The following CRIM1 variants were observed in gnomAD, a reference collection of about 807,000 sequenced individuals.
CRIM1 encodes the protein cysteine rich transmembrane BMP regulator 1.
A neutral mutation model predicts 116.4 loss-of-function variants in CRIM1; 32 were observed. The ratio of observed to expected loss-of-function variants is 0.27; its 90% CI spans 0.21 to 0.37. The LOEUF (loss-of-function observed/expected upper bound fraction) is 0.37. Among genes scored for constraint, CRIM1 ranks in the 10% least tolerant of loss-of-function variants. The pLI is 1.00. For synonymous variants in CRIM1, 590 were observed against 509.2 expected (o/e 1.16, Z -2.13); for missense variants, 1,331 against 1,354.8 (o/e 0.98, Z 0.28).
At chr2:36,414,802 G>A (rs1181613111) in intron 2 of CRIM1, among the ~76,000 whole-genome samples, 2 of 152,174 alleles carry the variant, frequency 1.3e-5, no homozygotes, top group African/African-American at 4.8e-5. Flanking sequence ...TGGGGAGAGT[G>A]GCAGAAGAGG....
At chr2:36,522,366 G>C in intron 13 of CRIM1, 53 bp downstream of exon 13, 1 of 1,342,850 alleles carries the variant, frequency 7.4e-7, no homozygotes, top group African/African-American at 1.4e-5. Flanking sequence ...CACTAAATCT[G>C]TATTGACAGC....
intron 8 of CRIM1, among the ~76,000 whole-genome samples, chr2:36,501,715 C>G (rs1186745944): frequency 6.6e-6 from 1 of 151,348 alleles, no homozygotes; most frequent in Admixed American, 6.6e-5. Context: ...GAGCAAGACC[C>G]TTTTTCAAAA....
At chr2:36,498,121 G>A (rs142058267) in intron 7 of CRIM1, among the ~76,000 whole-genome samples, 6 of 152,170 alleles carry the variant, frequency 3.9e-5, no homozygotes, top group African/African-American at 9.7e-5. Context: ...CTTTGAAGAC[G>A]TTAGTATATT....
chr2:36,497,797 T>C (rs1157173873), intron 7 of CRIM1, among the ~76,000 whole-genome samples: 1 of 152,232 alleles, frequency 6.6e-6, no homozygotes, highest in African/African-American at 2.4e-5. Flanking sequence ...GTTGAATCAC[T>C]GTCCCCTTTT....
rs1047320441 is a variant in CRIM1, at chr2:36,442,623, G to T, written c.757G>T (p.Val253Leu). 6.2e-7 allele frequency: 1 copy of T among 1,614,072 alleles called. No individual in the cohort carries two copies. Residue 253 changes from valine to leucine, a missense_variant, in exon 4 of 17, where the codon GTG (valine) becomes TTG (leucine). Transcript: ENST00000280527. ...CTGTTTGCCCCTTTCAGTTTTCGGC[G>T]TGGACTGCAGGACTGTGGAATGCCC... ...DLYECKPVFGVDCRTVECPPV... is the reference protein window; with the variant it reads ...DLYECKPVFGLDCRTVECPPV...
At chr2:36,418,608 A>C (rs922403404) in intron 2 of CRIM1, among the ~76,000 whole-genome samples, 6 of 152,246 alleles carry the variant, frequency 3.9e-5, no homozygotes, top group African/African-American at 1.4e-4. Context: ...TTATTCTGCC[A>C]TGTCCGGGTT....
intron 4 of CRIM1, among the ~76,000 whole-genome samples, chr2:36,446,267 G>A (rs953499940): frequency 2.6e-5 from 4 of 152,114 alleles, no homozygotes; most frequent in East Asian, 1.9e-4. Flanking sequence ...TCACCCATTC[G>A]GGCCCTTAAC....
At chr2:36,536,490 G>A (rs1444920648) in intron 13 of CRIM1, among the ~76,000 whole-genome samples, 1 of 152,174 alleles carries the variant, frequency 6.6e-6, no homozygotes, top group African/African-American at 2.4e-5. Context: ...CCGCCACCGG[G>A]TTTCGATTTG....
At chr2:36,419,181 T>G (rs1572689757) in intron 2 of CRIM1, among the ~76,000 whole-genome samples, 1 of 152,322 alleles carries the variant, frequency 6.6e-6, no homozygotes, top group South Asian at 2.1e-4. Flanking sequence ...GGTTTAAAAT[T>G]AAGGTTCTAG....
chr2:36,383,975 T>TA (rs1424618872), intron 1 of CRIM1, among the ~76,000 whole-genome samples: 1 of 152,198 alleles, frequency 6.6e-6, no homozygotes, highest in Non-Finnish European at 1.5e-5. Flanking sequence ...CAAAAATTCT[T>TA]ACCAACTGGA....
At chr2:36,529,840 A>G (rs1443395992) in intron 13 of CRIM1, among the ~76,000 whole-genome samples, 3 of 152,188 alleles carry the variant, frequency 2.0e-5, no homozygotes, top group Non-Finnish European at 1.5e-5. Context: ...TAACCTTTAT[A>G]AATTACTTGC....
At chr2:36,362,139 A>T (rs573319326) in intron 1 of CRIM1, among the ~76,000 whole-genome samples, 2 of 152,218 alleles carry the variant, frequency 1.3e-5, no homozygotes, top group Non-Finnish European at 2.9e-5. Context: ...AGACTGCAAA[A>T]AGTCTATTAT....
At chr2:36,458,852 G>A (rs1677355825) in intron 4 of CRIM1, among the ~76,000 whole-genome samples, 1 of 152,164 alleles carries the variant, frequency 6.6e-6, no homozygotes, top group Non-Finnish European at 1.5e-5. Flanking sequence ...CTTTATGGAT[G>A]AGAAAACAGT....
At chr2:36,390,317 C>A (rs1671476814) in intron 1 of CRIM1, among the ~76,000 whole-genome samples, 1 of 152,166 alleles carries the variant, frequency 6.6e-6, no homozygotes, top group African/African-American at 2.4e-5. Flanking sequence ...CACTCAAGAC[C>A]TATGCATCTG....
chr2:36,370,210 T>C (rs1426249943), intron 1 of CRIM1, among the ~76,000 whole-genome samples: 2 of 152,108 alleles, frequency 1.3e-5, no homozygotes, highest in Non-Finnish European at 2.9e-5. Flanking sequence ...TTTTTTTTTT[T>C]TTTTTTAAAT....
intron 5 of CRIM1, among the ~76,000 whole-genome samples, chr2:36,468,092 G>T (rs150376319): frequency 1.3e-5 from 2 of 152,266 alleles, no homozygotes; most frequent in Non-Finnish European, 2.9e-5. Context: ...TTTGCAAACT[G>T]CCCAACCATG....
intron 15 of CRIM1, 96 bp downstream of exon 15, chr2:36,544,594 T>C: frequency 8.2e-7 from 1 of 1,218,394 alleles, no homozygotes; most frequent in East Asian, 2.9e-5. Context: ...ACTTTTAAAA[T>C]GACTTGCTGA....
intron 1 of CRIM1, among the ~76,000 whole-genome samples, chr2:36,389,509 A>G (rs1671418118): frequency 6.6e-6 from 1 of 152,170 alleles, no homozygotes; most frequent in South Asian, 2.1e-4. Context: ...ACAGAATTCC[A>G]TTACTGTGAG....
chr2:36,468,155 A>G (rs544942302), intron 5 of CRIM1, among the ~76,000 whole-genome samples: 17 of 152,356 alleles, frequency 1.1e-4, no homozygotes, highest in African/African-American at 3.8e-4. Flanking sequence ...GAATGTTAAC[A>G]TGACTGACCC....
Sources: allele counts gnomAD v4.1 joint callset (sites outside exome capture counted in the v4.1 genomes callset), GRCh38; gene constraint gnomAD v4.1.1; transcripts MANE v1.5; gene names NCBI Gene and HGNC (gene_info 2026-07-23, HGNC 2026-07-21).